Variants in ZNF83 observed in about 807,000 individuals in gnomAD.
ZNF83 encodes the protein zinc finger protein 816B.
For synonymous variants in ZNF83, 209 were observed against 213.0 expected, an observed-to-expected ratio of 0.98 and a Z score of 0.17; for missense variants, 552 against 629.9, an observed-to-expected ratio of 0.88 and a Z score of 1.32.
intron 1 of ZNF83, among the ~76,000 whole-genome samples, chr19:52,689,282 T>C (rs945688250): frequency 7.9e-5 from 12 of 152,210 alleles, no homozygotes; most frequent in African/African-American, 2.4e-4. Flanking sequence ...TTCTCTCATA[T>C]TGGTCTCTCC....
intron 3 of ZNF83, chr19:52,655,464 CA>C (rs2061492981): frequency 8.7e-7 from 1 of 1,143,672 alleles, no homozygotes; most frequent in African/African-American, 1.5e-5. Context: ...ACATCAAAAG[CA>C]TGTATGCGGC....
At chr19:52,613,233 T>C (rs1226768903) in exon 3 of ZNF83, 1 of 1,613,882 alleles carries the variant, frequency 6.2e-7, no homozygotes, top group Non-Finnish European at 8.5e-7. Flanking sequence ...GATGATGTGC[T>C]AGGGATGAGT....
rs1555792750 is a variant in ZNF83 at position 52,687,630 on chromosome 19, A to AAT, written c.-283+2811_-283+2812dup. Among the ~76,000 whole-genome samples the AAT allele has an allele frequency of 7.0e-4, 9 of 12,770 alleles. 2 individuals carry two copies. Among genetic ancestry groups the AAT allele is most frequent in the African/African-American group, 1.6e-3 (3 of 1,930 alleles). The allele number at this position is 12,770 out of a possible 152,430, so 8.4% of individuals were successfully genotyped here. On this transcript the variant is annotated intron_variant, in intron 1 of 5. Coordinates refer to the ZNF83 transcript ENST00000594682. ...ATATATAATGTGTATATATATATAT[A>AAT]ATGTATATATATATATATATATATA...
chr19:52,650,896 G>A (rs1167188977), intron 3 of ZNF83: 2 of 152,178 alleles, frequency 1.3e-5, no homozygotes, highest in Admixed American at 6.5e-5. Flanking sequence ...GTGGTCAAGG[G>A]AGGGAAATTG....
chr19:52,681,565 C>G (rs2061921685), intron 1 of ZNF83, among the ~76,000 whole-genome samples: 1 of 152,168 alleles, frequency 6.6e-6, no homozygotes, highest in South Asian at 2.1e-4. Context: ...AACATACTGT[C>G]CCATGAAGAA....
At chr19:52,613,958 T>G (rs772723331) in exon 3 of ZNF83, 1 of 1,613,552 alleles carries the variant, frequency 6.2e-7, no homozygotes, top group Non-Finnish European at 8.5e-7. Context: ...TTATAAGGTT[T>G]CTCTCCGGTA....
intron 3 of ZNF83, chr19:52,650,692 G>GA (rs1317819561): frequency 2.0e-5 from 3 of 152,148 alleles, no homozygotes; most frequent in Non-Finnish European, 2.9e-5. Flanking sequence ...CAAAGTCTCA[G>GA]AAAAAACAGA....
At chr19:52,665,948 C>T (rs987230882) in intron 1 of ZNF83, among the ~76,000 whole-genome samples, 5 of 151,396 alleles carry the variant, frequency 3.3e-5, no homozygotes, top group Non-Finnish European at 7.4e-5. Context: ...ATCACGAGGT[C>T]AGGAGATTGA....
intron 1 of ZNF83, among the ~76,000 whole-genome samples, chr19:52,683,946 G>A (rs757025415): frequency 1.3e-5 from 2 of 152,076 alleles, no homozygotes; most frequent in Admixed American, 6.6e-5. Context: ...GCAGAAGGGT[G>A]TTTCTGGGCG....
chr19:52,620,749 A>G (rs1230517320), intron 2 of ZNF83, among the ~76,000 whole-genome samples: 1 of 152,230 alleles, frequency 6.6e-6, no homozygotes, highest in Non-Finnish European at 1.5e-5. Flanking sequence ...GAAAAGCACA[A>G]AAGAAGTGAA....
chr19:52,686,482 A>AT (rs2062017686), intron 1 of ZNF83, among the ~76,000 whole-genome samples: 1 of 125,110 alleles, frequency 8.0e-6, no homozygotes, highest in Non-Finnish European at 1.7e-5. Context: ...ATATATATAT[A>AT]AATAAATGAG....
chr19:52,656,864 C>CAAA (rs112522632), intron 2 of ZNF83, among the ~76,000 whole-genome samples: 27,160 of 131,674 alleles, frequency 0.21, 2,964 homozygotes, highest in Non-Finnish European at 0.25. Flanking sequence ...GACTCCGTCT[C>CAAA]AAAAAAAAAA....
chr19:52,678,304 G>A (rs538803909), intron 1 of ZNF83, among the ~76,000 whole-genome samples: 2 of 151,536 alleles, frequency 1.3e-5, no homozygotes, highest in South Asian at 4.2e-4. Context: ...ATAAAAATTA[G>A]CCAGGCATGG....
At chr19:52,646,593 G>A (rs1298316442) in intron 3 of ZNF83, among the ~76,000 whole-genome samples, 2 of 152,196 alleles carry the variant, frequency 1.3e-5, no homozygotes, top group Admixed American at 6.5e-5. Context: ...TATTATTGAG[G>A]CAGAAATTAA....
intron 2 of ZNF83, chr19:52,619,115 T>C (rs2147083827): frequency 6.2e-7 from 1 of 1,612,568 alleles, no homozygotes; most frequent in Non-Finnish European, 8.5e-7. Context: ...TTCTTATCTT[T>C]ACAGAAAATG....
At chr19:52,647,818 T>A (rs73061500) in intron 3 of ZNF83, among the ~76,000 whole-genome samples, 19,873 of 151,468 alleles carry the variant, frequency 0.13, 1,583 homozygotes, top group South Asian at 0.23. Context: ...CTTTCAATCA[T>A]CCTCAATCTC....
chr19:52,677,306 TAAAA>T (rs67835464), intron 1 of ZNF83, among the ~76,000 whole-genome samples: 11 of 106,458 alleles, frequency 1.0e-4, no homozygotes, highest in African/African-American at 1.6e-4. Context: ...AATTGAGAAG[TAAAA>T]AAAAAAAAAA....
chr19:52,618,612 G>T, intron 2 of ZNF83: 1 of 330,188 alleles, frequency 3.0e-6, no homozygotes, highest in Non-Finnish European at 5.5e-6. Flanking sequence ...GGTGAGGCTA[G>T]TATCGAACTC....
In ZNF83 at chr19:52,614,386, G is replaced by T. The variant is rs749729407; in HGVS notation, c.179C>A (p.Ser60Tyr). 5.6e-6 allele frequency: 9 copies of T among 1,613,090 alleles called. No individual in the cohort carries two copies. The East Asian group carries it at 2.0e-4, about 36-fold the overall frequency. The stretch of plus-strand genomic sequence containing the variant: ...AGAAATGTGGGTTTTGACAGTAGAA[G>T]AAATACGTTGGGGTGGGGAAACTAA... The change falls in exon 3 of 3, where the codon TCT (serine) becomes TAT (tyrosine). Residue 60 changes from serine to tyrosine, a missense_variant. Transcript: ENST00000301096.
Sources: gnomAD v4.1 joint callset for allele counts (sites outside exome capture counted in the v4.1 genomes callset) on GRCh38, gnomAD v4.1.1 for gene constraint, MANE v1.5 for transcripts, NCBI Gene and HGNC (gene_info 2026-07-23, HGNC 2026-07-21) for gene names.